The following CYTH3 variants were observed in gnomAD, a reference collection of about 807,000 sequenced individuals.
The protein encoded by CYTH3 is cytohesin 3.
In CYTH3, 23 loss-of-function variants were observed where a neutral mutation model predicts 55.1. The observed-to-expected ratio is 0.42, with a 90% CI of 0.30 to 0.59. The LOEUF (loss-of-function observed/expected upper bound fraction) is 0.59. CYTH3 is among the 20% of genes least tolerant of loss of function. The probability of loss-of-function intolerance (pLI) is 0.20; values close to 1 mark genes in which losing one functional copy is unlikely to be tolerated. For synonymous variants in CYTH3, 249 were observed against 194.9 expected (o/e 1.28, Z -2.31); for missense variants, 413 against 524.8 (o/e 0.79, Z 2.08).
At chr7:6,175,250 A>G (rs546353658) in intron 5 of CYTH3, among the ~76,000 whole-genome samples, 1 of 152,202 alleles carries the variant, frequency 6.6e-6, no homozygotes, top group East Asian at 1.9e-4. Flanking sequence ...TGGGGAAGGA[A>G]CCAAGGAATC....
At chr7:6,201,700 A>G (rs184754826) in intron 1 of CYTH3, among the ~76,000 whole-genome samples, 47 of 152,338 alleles carry the variant, frequency 3.1e-4, no homozygotes, top group Admixed American at 5.2e-4. Context: ...CTCAACAACA[A>G]CAGCATGTAA....
rs913164905 is a variant in CYTH3, at chr7:6,163,746, C to T, written c.*1198G>A. On this transcript the variant is annotated 3_prime_UTR_variant, in exon 13 of 13. Transcript: ENST00000350796. ...CCCTCCTCGTAGGGAGGGCACCTCT[C>T]TCAGGACACGGCGCACTACATGGGG... is the stretch of plus-strand genomic sequence containing the variant. 8 of 152,252 alleles carry T rather than the reference C, an allele frequency of 5.3e-5. No homozygotes were observed. The highest frequency in any genetic ancestry group is 3.9e-4 in the Admixed American group (6 of 15,282). 9.4% of individuals were successfully genotyped at this position (152,252 alleles called of 1,614,324 possible).
At chr7:6,202,190 C>G (rs1317496109) in intron 1 of CYTH3, among the ~76,000 whole-genome samples, 1 of 152,226 alleles carries the variant, frequency 6.6e-6, no homozygotes, top group Non-Finnish European at 1.5e-5. Context: ...GTCCTGGAAC[C>G]TGAGACCACC....
At chr7:6,181,842 T>C (rs1783511371) in intron 4 of CYTH3, among the ~76,000 whole-genome samples, 1 of 152,148 alleles carries the variant, frequency 6.6e-6, no homozygotes, top group African/African-American at 2.4e-5. Context: ...CGTCCACTCT[T>C]CAGCCACGTC....
At chr7:6,210,933 A>G (rs188681242) in intron 1 of CYTH3, among the ~76,000 whole-genome samples, 24 of 152,352 alleles carry the variant, frequency 1.6e-4, no homozygotes, top group Non-Finnish European at 3.4e-4. Flanking sequence ...ATTCTATTTG[A>G]TATTTGATCA....
chr7:6,163,605 T>C lies in CYTH3; in HGVS notation c.*1339A>G, dbSNP rs1204029426. 1 of 152,272 alleles carries C rather than the reference T, an allele frequency of 6.6e-6. No individual in the cohort carries two copies. The highest frequency in any genetic ancestry group is 1.5e-5 in the Non-Finnish European group (1 of 68,106). 9.4% of individuals were successfully genotyped at this position (152,272 alleles called of 1,614,324 possible). ...CGGAGCACTGGGCACCTCCTATCCT[T>C]ACATCCACAGCAACCTGACAACCTC... On this transcript the variant is annotated 3_prime_UTR_variant, in exon 13 of 13. Transcript: ENST00000350796.
chr7:6,259,780 ATATAATATAT>A (rs1780264778), intron 1 of CYTH3, among the ~76,000 whole-genome samples: 4 of 22,160 alleles, frequency 1.8e-4, no homozygotes, highest in Non-Finnish European at 2.3e-4. Context: ...TATTATATAT[ATATAATATAT>A]ATATATATAT....
chr7:6,192,553 G>A (rs1035798291), intron 1 of CYTH3, among the ~76,000 whole-genome samples: 2 of 92,922 alleles, frequency 2.2e-5, no homozygotes, highest in African/African-American at 9.9e-5. Context: ...TTTTTTTTGA[G>A]ACAGAGTCTC....
intron 1 of CYTH3, among the ~76,000 whole-genome samples, chr7:6,199,358 G>A (rs1247693425): frequency 6.6e-6 from 1 of 152,156 alleles, no homozygotes; most frequent in Non-Finnish European, 1.5e-5. Context: ...AATGATGGGG[G>A]TAGAAAAACA....
intron 1 of CYTH3, among the ~76,000 whole-genome samples, chr7:6,268,085 C>G (rs187182500): frequency 6.6e-6 from 1 of 152,024 alleles, no homozygotes; most frequent in African/African-American, 2.4e-5. Context: ...TCCAGGGAAT[C>G]TGCATGCATC....
At chr7:6,232,393 C>T (rs1210258076) in intron 1 of CYTH3, among the ~76,000 whole-genome samples, 1 of 152,162 alleles carries the variant, frequency 6.6e-6, no homozygotes, top group Non-Finnish European at 1.5e-5. Context: ...TCCATTTATT[C>T]TTCTCCCAAC....
chr7:6,178,939 G>A (rs1783410649), intron 4 of CYTH3, among the ~76,000 whole-genome samples: 1 of 152,164 alleles, frequency 6.6e-6, no homozygotes, highest in Non-Finnish European at 1.5e-5. Context: ...TGTTGGCAAG[G>A]GTGGCAAGGG....
At position 6,164,866 on chromosome 7, in the gene CYTH3, C is replaced by A; in HGVS notation, c.*78G>T. 6.6e-7 allele frequency: 1 copy of A among 1,516,924 alleles called. No individual in the cohort carries two copies. The highest frequency in any genetic ancestry group is 9.1e-7 in the Non-Finnish European group (1 of 1,093,520). 94.0% of individuals were successfully genotyped at this position (1,516,924 alleles called of 1,614,324 possible). A position where few individuals can be genotyped will look rare whatever the true frequency, so the allele number is the denominator to read the frequency against. ...CCGCAGGGCGACTGCCTCCCTGCCA[C>A]GCCTTCCGCGGAGGGGCCGCCCGCG... On this transcript the variant is annotated 3_prime_UTR_variant, in exon 13 of 13. Transcript: ENST00000350796.
chr7:6,255,084 C>G (rs1014316917), intron 1 of CYTH3, among the ~76,000 whole-genome samples: 1 of 152,200 alleles, frequency 6.6e-6, no homozygotes, highest in Admixed American at 6.5e-5. Context: ...CCTACTATTA[C>G]AATCGTCGAG....
intron 1 of CYTH3, among the ~76,000 whole-genome samples, chr7:6,223,121 G>C (rs954248703): frequency 1.3e-5 from 2 of 152,008 alleles, no homozygotes; most frequent in African/African-American, 4.8e-5. Context: ...GCTGCCCTTC[G>C]TCTGGGAGGC....
intron 1 of CYTH3, among the ~76,000 whole-genome samples, chr7:6,263,023 C>A (rs183572172): frequency 6.6e-6 from 1 of 152,146 alleles, no homozygotes; most frequent in Admixed American, 6.5e-5. Context: ...ACACCACTAC[C>A]AAGCCAGAAA....
intron 1 of CYTH3, among the ~76,000 whole-genome samples, chr7:6,202,779 C>A (rs955803288): frequency 4.0e-5 from 6 of 151,810 alleles, no homozygotes; most frequent in African/African-American, 1.5e-4. Flanking sequence ...TGTTTTAAAC[C>A]AATTCCTTTG....
intron 1 of CYTH3, among the ~76,000 whole-genome samples, chr7:6,223,099 C>T (rs897348408): frequency 3.3e-5 from 5 of 152,222 alleles, no homozygotes; most frequent in East Asian, 1.9e-4. Flanking sequence ...ATGTGAGAAG[C>T]GCCTCTGCCT....
At chr7:6,240,526 G>C (rs1440588806) in intron 1 of CYTH3, among the ~76,000 whole-genome samples, 1 of 152,092 alleles carries the variant, frequency 6.6e-6, no homozygotes, top group Non-Finnish European at 1.5e-5. Context: ...GAATGGAACA[G>C]AATAGTAAAT....
Sources: allele counts gnomAD v4.1 joint callset (sites outside exome capture counted in the v4.1 genomes callset), GRCh38; gene constraint gnomAD v4.1.1; transcripts MANE v1.5; gene names NCBI Gene and HGNC (gene_info 2026-07-23, HGNC 2026-07-21).